Variants in EPC2 observed in about 807,000 individuals in gnomAD.
EPC2 encodes the protein enhancer of polycomb homolog 2.
Under a neutral mutation model 92.1 loss-of-function variants are expected in EPC2, and 14 were observed. The observed-to-expected ratio is 0.15, with a 90% CI of 0.10 to 0.24. The LOEUF (loss-of-function observed/expected upper bound fraction) is 0.24, where lower values mean the gene tolerates loss of function less well. EPC2 is among the 10% of genes least tolerant of loss of function. The pLI is 1.00. For synonymous variants in EPC2, 340 were observed against 334.7 expected, an observed-to-expected ratio of 1.02 and a Z score of -0.17; for missense variants, 755 against 971.5, an observed-to-expected ratio of 0.78 and a Z score of 2.96.
intron 2 of EPC2, among the ~76,000 whole-genome samples, chr2:148,718,226 A>G (rs1477066554): frequency 3.3e-5 from 5 of 152,178 alleles, no homozygotes; most frequent in Non-Finnish European, 7.3e-5. Flanking sequence ...TAATTGGGGC[A>G]GTTAGCCCAT....
chr2:148,670,247 G>A (rs1440310773), intron 1 of EPC2, among the ~76,000 whole-genome samples: 2 of 152,034 alleles, frequency 1.3e-5, no homozygotes, highest in Non-Finnish European at 2.9e-5. Flanking sequence ...ATTGCCTGAT[G>A]TCCGTTGTCT....
At chr2:148,764,432 T>C (rs1453996794) in intron 6 of EPC2, among the ~76,000 whole-genome samples, 1 of 152,200 alleles carries the variant, frequency 6.6e-6, no homozygotes, top group Non-Finnish European at 1.5e-5. Flanking sequence ...CTTCAGAACG[T>C]TACTGTTCAG....
intron 1 of EPC2, among the ~76,000 whole-genome samples, chr2:148,655,583 C>T (rs1224836247): frequency 6.6e-6 from 1 of 152,060 alleles, no homozygotes; most frequent in Non-Finnish European, 1.5e-5. Context: ...CTACTGTGGT[C>T]TGTTGTCTAC....
At chr2:148,685,032 C>T (rs761417926) in intron 1 of EPC2, among the ~76,000 whole-genome samples, 3 of 152,062 alleles carry the variant, frequency 2.0e-5, no homozygotes, top group Non-Finnish European at 4.4e-5. Flanking sequence ...TGGGTTTTCT[C>T]TTCTGTAAAT....
At chr2:148,718,154 C>G (rs1377496140) in intron 2 of EPC2, among the ~76,000 whole-genome samples, 1 of 152,138 alleles carries the variant, frequency 6.6e-6, no homozygotes, top group Non-Finnish European at 1.5e-5. Flanking sequence ...TGAGATGGGT[C>G]CCTTGAAGGT....
At chr2:148,664,582 T>G (rs891253266) in intron 1 of EPC2, among the ~76,000 whole-genome samples, 2 of 152,192 alleles carry the variant, frequency 1.3e-5, no homozygotes, top group Non-Finnish European at 2.9e-5. Flanking sequence ...TGTGTTGATG[T>G]TTGTGTTACA....
chr2:148,781,614 C>T, intron 10 of EPC2, 30 bp from the exon 11 acceptor site: 1 of 1,592,084 alleles, frequency 6.3e-7, no homozygotes, highest in East Asian at 2.3e-5. Flanking sequence ...TTAAAACGTA[C>T]TCATTTCCAA....
At chr2:148,658,087 A>T (rs34100079) in intron 1 of EPC2, among the ~76,000 whole-genome samples, 22,319 of 152,188 alleles carry the variant, frequency 0.15, 2,485 homozygotes, top group East Asian at 0.46. Context: ...CCCTGGTCAC[A>T]ACAGTTTCAT....
chr2:148,766,631 A>C (rs910634335), intron 7 of EPC2, among the ~76,000 whole-genome samples: 1 of 152,214 alleles, frequency 6.6e-6, no homozygotes, highest in Non-Finnish European at 1.5e-5. Context: ...TTCTAGGCAC[A>C]GCATATTAGA....
Position 148,761,803 on chromosome 2 carries a change from T to G in EPC2, c.688T>G (p.Ser230Ala). Residue 230 changes from serine to alanine, a missense_variant, in exon 5 of 14, where the codon TCT becomes GCT. Around this residue, in one of 4 missense-constraint regions of EPC2, gnomAD observed 509 missense variants for 607.7 expected, o/e 0.84. Coordinates refer to ENST00000258484, the MANE Select transcript of EPC2 (RefSeq NM_015630.4). ...TRKNRKNDEA[S>A]YEKMLKLRRE... ...ATAGAATCGTAAGAATGATGAAGCC[T>G]CTTATGAAAAGATGTTGAAACTGAG... 1 of 1,548,200 alleles carries G rather than the reference T, an allele frequency of 6.5e-7. No individual in the cohort carries two copies. The highest frequency in any genetic ancestry group is 8.7e-7 in the Non-Finnish European group (1 of 1,149,894).
intron 1 of EPC2, among the ~76,000 whole-genome samples, chr2:148,682,644 A>G (rs534497928): frequency 6.6e-6 from 1 of 152,252 alleles, no homozygotes; most frequent in South Asian, 2.1e-4. Context: ...GTTGGTTTCT[A>G]CAAGGGCCTT....
In EPC2 at chr2:148,784,965, A is replaced by G. The variant is rs1683836022; in HGVS notation, c.2315A>G (p.Lys772Arg). 1 of 1,540,000 alleles carries G rather than the reference A, an allele frequency of 6.5e-7. No individual in the cohort carries two copies. Among genetic ancestry groups the G allele is most frequent in the African/African-American group, 1.4e-5 (1 of 73,032 alleles). The change falls in exon 13 of 14, where the codon AAG becomes AGG. Residue 772 changes from lysine (K) to arginine (R), a missense_variant. By Grantham distance (26) the Lys-to-Arg change is conservative. Around this residue, in one of 4 missense-constraint regions of EPC2, gnomAD observed 207 missense variants for 260.5 expected, o/e 0.79. Coordinates refer to ENST00000258484, the MANE Select transcript of EPC2 (RefSeq NM_015630.4). The part of the protein sequence containing the change: ...TVAASMDRVP[K>R]VTPSSAISSI... The stretch of plus-strand genomic sequence containing the variant: ...GCTGCCAGTATGGACAGAGTGCCAA[A>G]GGTTACTCCCAGCAGTGCCATCAGC...
intron 3 of EPC2, among the ~76,000 whole-genome samples, chr2:148,748,808 G>A (rs1337675839): frequency 6.6e-6 from 1 of 151,666 alleles, no homozygotes; most frequent in African/African-American, 2.4e-5. Context: ...CATCATGTTG[G>A]GACTCAAAAA....
At chr2:148,758,992 A>G (rs914793281) in intron 4 of EPC2, among the ~76,000 whole-genome samples, 17 of 152,254 alleles carry the variant, frequency 1.1e-4, no homozygotes, top group African/African-American at 4.1e-4. Context: ...ACAGAAAACA[A>G]TTGTAAGGAG....
intron 2 of EPC2, among the ~76,000 whole-genome samples, chr2:148,714,714 G>A (rs1026820139): frequency 6.6e-6 from 1 of 152,142 alleles, no homozygotes; most frequent in Non-Finnish European, 1.5e-5. Context: ...GTCTTCTTTG[G>A]AGAAGTGTCT....
chr2:148,775,250 G>T (rs1683607310), intron 10 of EPC2, among the ~76,000 whole-genome samples: 1 of 152,108 alleles, frequency 6.6e-6, no homozygotes, highest in African/African-American at 2.4e-5. Flanking sequence ...TGTGTTAAAT[G>T]TTTAAAAGTT....
intron 2 of EPC2, among the ~76,000 whole-genome samples, chr2:148,713,130 T>C (rs1682186476): frequency 6.6e-6 from 1 of 152,250 alleles, no homozygotes; most frequent in Non-Finnish European, 1.5e-5. Flanking sequence ...TGTTAGAATG[T>C]ATTTCCTCTA....
Position 148,770,947 on chromosome 2 carries a change from T to C in EPC2, c.1376+10T>C, listed in dbSNP as rs1189640591. 1 of 1,606,906 alleles carries C rather than the reference T, an allele frequency of 6.2e-7. No homozygotes were observed. Among genetic ancestry groups the C allele is most frequent in the Non-Finnish European group, 8.5e-7 (1 of 1,177,968 alleles). On this transcript the variant is annotated intron_variant, in intron 9 of 13. Transcript: ENST00000258484. ...TTGGCAGAGGTGGAAGGTGAAGTATTTGTTTTCACCTGGTTTTTGTTTGCT... is the reference window on the plus strand; with the variant it reads ...TTGGCAGAGGTGGAAGGTGAAGTATCTGTTTTCACCTGGTTTTTGTTTGCT...
chr2:148,778,131 A>G (rs1294942686), intron 10 of EPC2, among the ~76,000 whole-genome samples: 4 of 152,204 alleles, frequency 2.6e-5, no homozygotes, highest in African/African-American at 9.7e-5. Context: ...AATCAGATTT[A>G]TGGTTACTTT....
Sources: allele counts gnomAD v4.1 joint callset (sites outside exome capture counted in the v4.1 genomes callset), GRCh38; gene constraint gnomAD v4.1.1; regional missense constraint gnomAD v4.1.1; transcripts MANE v1.5; gene names NCBI Gene and HGNC (gene_info 2026-07-23, HGNC 2026-07-21).